DCC: variants seen among roughly 807,000 people sequenced by gnomAD.
DCC encodes DCC netrin 1 receptor.
DCC carries 58 observed loss-of-function variants against 172.5 expected under a neutral mutation model. That is an observed-to-expected ratio of 0.34 (90% CI 0.27 to 0.42). The LOEUF is 0.42. Ranked by LOEUF, DCC falls within the 10% of genes least tolerant of loss-of-function variation. The pLI, the probability that DCC is intolerant of heterozygous loss-of-function variation, is 1.00. For missense variants in DCC, 1,740 were observed against 1,791.0 expected (o/e 0.97, Z 0.51); for synonymous variants, 709 against 644.5 (o/e 1.10, Z -1.52).
intron 1 of DCC, among the ~76,000 whole-genome samples, chr18:52,661,027 C>A (rs2035348130): frequency 6.6e-6 from 1 of 152,056 alleles, no homozygotes; most frequent in Admixed American, 6.6e-5. Context: ...ATAGGTTAAC[C>A]CCCAAGGACA....
At chr18:52,986,691 A>G (rs1258695056) in intron 5 of DCC, among the ~76,000 whole-genome samples, 1 of 151,866 alleles carries the variant, frequency 6.6e-6, no homozygotes, top group South Asian at 2.1e-4. Context: ...GCAAAAAAAA[A>G]TCCTGTCTGA....
intron 2 of DCC, among the ~76,000 whole-genome samples, chr18:52,812,597 A>G (rs1439413060): frequency 6.6e-6 from 1 of 152,218 alleles, no homozygotes; most frequent in African/African-American, 2.4e-5. Flanking sequence ...ATTTAGTTAG[A>G]TAGCCAAAAC....
At chr18:53,414,110 G>A (rs1051913435) in intron 20 of DCC, among the ~76,000 whole-genome samples, 7 of 152,170 alleles carry the variant, frequency 4.6e-5, no homozygotes, top group African/African-American at 1.7e-4. Flanking sequence ...AAACTGTGGT[G>A]ATTAAATTAA....
intron 1 of DCC, among the ~76,000 whole-genome samples, chr18:52,496,995 G>A (rs1163814832): frequency 6.6e-6 from 1 of 151,784 alleles, no homozygotes; most frequent in East Asian, 1.9e-4. Context: ...GTTCACACCT[G>A]TAAATCACAG....
chr18:52,519,931 A>G (rs1164154502), intron 1 of DCC, among the ~76,000 whole-genome samples: 1 of 152,222 alleles, frequency 6.6e-6, no homozygotes, highest in Non-Finnish European at 1.5e-5. Flanking sequence ...ACTGCCTGTC[A>G]TATTCTCTCC....
intron 2 of DCC, among the ~76,000 whole-genome samples, chr18:52,789,866 G>C (rs2037726856): frequency 2.0e-5 from 3 of 152,126 alleles, no homozygotes; most frequent in African/African-American, 7.2e-5. Flanking sequence ...CCCTTCTGAA[G>C]ATATACTTCC....
chr18:53,243,360 G>A (rs2056327376), intron 12 of DCC, among the ~76,000 whole-genome samples: 1 of 152,142 alleles, frequency 6.6e-6, no homozygotes. Flanking sequence ...GAGAGTTCAG[G>A]AAGGAATTGG....
At chr18:52,748,348 CGTTT>C (rs1384738508) in intron 1 of DCC, among the ~76,000 whole-genome samples, 5 of 152,318 alleles carry the variant, frequency 3.3e-5, no homozygotes, top group African/African-American at 9.6e-5. Flanking sequence ...AGCATGTCAC[CGTTT>C]GTTTGTTCCC....
rs773599624 is a variant in DCC at position 52,430,821 on chromosome 18, AT to A, written c.91+89950del. On this transcript the variant is annotated intron_variant, in intron 1 of 28. Coordinates refer to ENST00000442544, the MANE Select transcript of DCC (RefSeq NM_005215.4). The stretch of plus-strand genomic sequence containing the variant: ...GGGATGGAGAAAACACTCTCAAATA[AT>A]TTTTTTAACTAAGAAAATTCCAGGC... Among the ~76,000 whole-genome samples, 6 of 152,276 alleles carry A rather than the reference AT, an allele frequency of 3.9e-5. No individual in the cohort carries two copies. The East Asian group carries it at 1.2e-3, about 29-fold the overall frequency.
intron 1 of DCC, among the ~76,000 whole-genome samples, chr18:52,517,430 A>G (rs1425473004): frequency 6.6e-6 from 1 of 152,200 alleles, no homozygotes; most frequent in African/African-American, 2.4e-5. Flanking sequence ...AATTTAGGTT[A>G]ACTGAATGCT....
At chr18:53,417,458 T>A (rs75159500) in intron 21 of DCC, among the ~76,000 whole-genome samples, 2 of 145,732 alleles carry the variant, frequency 1.4e-5, no homozygotes, top group African/African-American at 4.9e-5. Context: ...TTGTAAAAAA[T>A]ATTAATGATG....
chr18:52,515,475 C>T (rs544615888), intron 1 of DCC, among the ~76,000 whole-genome samples: 9 of 151,010 alleles, frequency 6.0e-5, no homozygotes, highest in African/African-American at 1.9e-4. Flanking sequence ...GGTGCAGTGG[C>T]AGGCGCCTGT....
intron 12 of DCC, among the ~76,000 whole-genome samples, chr18:53,262,185 G>A (rs935288245): frequency 4.6e-5 from 7 of 152,186 alleles, no homozygotes; most frequent in Admixed American, 1.3e-4. Flanking sequence ...CCAAGACAGA[G>A]TTGCTTTAGC....
chr18:53,439,860 G>C (rs1391974490), intron 22 of DCC, among the ~76,000 whole-genome samples: 2 of 146,520 alleles, frequency 1.4e-5, no homozygotes, highest in East Asian at 4.0e-4. Flanking sequence ...CGCCTCCCGG[G>C]TTCACGCCAT....
intron 25 of DCC, among the ~76,000 whole-genome samples, chr18:53,482,253 G>A (rs1011687795): frequency 2.6e-5 from 4 of 152,092 alleles, no homozygotes; most frequent in Admixed American, 6.6e-5. Context: ...CTTCAAGATC[G>A]AAGCTTTGGG....
intron 1 of DCC, among the ~76,000 whole-genome samples, chr18:52,405,468 G>A (rs1986608217): frequency 6.7e-6 from 1 of 149,740 alleles, no homozygotes; most frequent in African/African-American, 2.4e-5. Context: ...CTTCTTTTGA[G>A]AAGTGTCTGT....
intron 2 of DCC, among the ~76,000 whole-genome samples, chr18:52,861,967 C>T (rs961790851): frequency 1.3e-5 from 2 of 151,934 alleles, no homozygotes; most frequent in Admixed American, 6.6e-5. Context: ...AGAATAGCCA[C>T]GGGTAAAGAT....
At chr18:52,725,151 T>A (rs989789823) in intron 1 of DCC, among the ~76,000 whole-genome samples, 2 of 152,168 alleles carry the variant, frequency 1.3e-5, no homozygotes, top group African/African-American at 2.4e-5. Flanking sequence ...ACACTTCCTC[T>A]GAGGCTCAGG....
intron 23 of DCC, among the ~76,000 whole-genome samples, chr18:53,457,029 G>C (rs1419736476): frequency 6.6e-6 from 1 of 152,214 alleles, no homozygotes; most frequent in Non-Finnish European, 1.5e-5. Flanking sequence ...AAAGTGGTTA[G>C]ATGGTCATGG....
Sources: allele counts gnomAD v4.1 joint callset (sites outside exome capture counted in the v4.1 genomes callset), GRCh38; gene constraint gnomAD v4.1.1; transcripts MANE v1.5; gene names NCBI Gene and HGNC (gene_info 2026-07-23, HGNC 2026-07-21).